LDLRAD4: variants seen among roughly 807,000 people sequenced by gnomAD.
LDLRAD4 encodes low density lipoprotein receptor class A domain containing 4.
LDLRAD4 carries 5 observed loss-of-function variants against 17.0 expected under a neutral mutation model. The observed-to-expected ratio is 0.29, with a 90% CI of 0.15 to 0.62. The LOEUF (loss-of-function observed/expected upper bound fraction) is 0.62. LDLRAD4 is among the 20% of genes least tolerant of loss of function. The pLI, the probability that LDLRAD4 is intolerant of heterozygous loss-of-function variation, is 0.84. For synonymous variants in LDLRAD4, 168 were observed against 171.8 expected, an observed-to-expected ratio of 0.98 and a Z score of 0.17; for missense variants, 340 against 424.7, an observed-to-expected ratio of 0.80 and a Z score of 1.75.
chr18:13,589,484 G>A (rs947605853), intron 3 of LDLRAD4, among the ~76,000 whole-genome samples: 2 of 152,146 alleles, frequency 1.3e-5, no homozygotes, highest in Non-Finnish European at 2.9e-5. Flanking sequence ...CAGGGTTTCC[G>A]CTCCCATCAC....
intron 3 of LDLRAD4, among the ~76,000 whole-genome samples, chr18:13,497,093 A>G (rs945346632): frequency 6.6e-6 from 1 of 152,252 alleles, no homozygotes; most frequent in African/African-American, 2.4e-5. Context: ...TGCCTGACTC[A>G]TAATGAGCAT....
chr18:13,637,704 A>G (rs931476433), intron 4 of LDLRAD4, among the ~76,000 whole-genome samples: 2 of 151,960 alleles, frequency 1.3e-5, no homozygotes, highest in Non-Finnish European at 2.9e-5. Flanking sequence ...CGTCTCTACT[A>G]AAAATACAAA....
chr18:13,572,164 C>T (rs1484508736), intron 3 of LDLRAD4, among the ~76,000 whole-genome samples: 2 of 152,214 alleles, frequency 1.3e-5, no homozygotes, highest in Non-Finnish European at 2.9e-5. Flanking sequence ...ATTTCGTTTA[C>T]AGTTGCAGTT....
chr18:13,251,759 T>C (rs1347042870), intron 1 of LDLRAD4, among the ~76,000 whole-genome samples: 1 of 152,248 alleles, frequency 6.6e-6, no homozygotes, highest in Non-Finnish European at 1.5e-5. Context: ...GAAGAAGTAC[T>C]GTATGGTTCA....
chr18:13,537,332 C>T (rs757632726), intron 3 of LDLRAD4, among the ~76,000 whole-genome samples: 72 of 152,112 alleles, frequency 4.7e-4, no homozygotes, highest in Non-Finnish European at 7.2e-4. Flanking sequence ...ACACCAGGGA[C>T]CGGTTTCATG....
intron 2 of LDLRAD4, among the ~76,000 whole-genome samples, chr18:13,422,394 A>G (rs1053071677): frequency 1.3e-5 from 2 of 152,222 alleles, no homozygotes; most frequent in Admixed American, 1.3e-4. Flanking sequence ...CTGCAAATAT[A>G]TGCTTGTTAA....
At position 13,308,770 on chromosome 18, in the gene LDLRAD4, G is replaced by A. The variant is rs528560446; in HGVS notation, c.-383+30582G>A. On this transcript the variant is annotated intron_variant, in intron 1 of 5. Transcript: ENST00000359446. ...TTAGGGAAGCAGACTTCCCTAATGCGTGATAACGCATGCAGATACTGTTTC... is the reference window on the plus strand; with the variant it reads ...TTAGGGAAGCAGACTTCCCTAATGCATGATAACGCATGCAGATACTGTTTC... 3.2e-4 allele frequency among the ~76,000 whole-genome samples: 49 copies of A among 152,380 alleles called. 1 individual carries two copies. The highest frequency in any genetic ancestry group is 1.0e-3 in the South Asian group (5 of 4,832).
intron 3 of LDLRAD4, among the ~76,000 whole-genome samples, chr18:13,516,324 G>A (rs961536087): frequency 2.6e-5 from 4 of 152,178 alleles, no homozygotes; most frequent in African/African-American, 9.7e-5. Context: ...AGCCATGAAC[G>A]ATCTCTTCCG....
At chr18:13,536,372 G>C (rs993004581) in intron 3 of LDLRAD4, among the ~76,000 whole-genome samples, 1 of 152,064 alleles carries the variant, frequency 6.6e-6, no homozygotes, top group Non-Finnish European at 1.5e-5. Context: ...CCTAAGAATT[G>C]TTTATGCTCT....
intron 3 of LDLRAD4, among the ~76,000 whole-genome samples, chr18:13,564,133 T>C (rs1420054596): frequency 6.6e-6 from 1 of 152,222 alleles, no homozygotes; most frequent in African/African-American, 2.4e-5. Flanking sequence ...CTTGAACTCC[T>C]GGCCTCCCAA....
chr18:13,532,301 C>A (rs531083333), intron 3 of LDLRAD4, among the ~76,000 whole-genome samples: 1 of 152,334 alleles, frequency 6.6e-6, no homozygotes, highest in South Asian at 2.1e-4. Context: ...CTGAGAAATA[C>A]GTGACTATAC....
chr18:13,424,139 GAAAAA>G (rs56687287), intron 2 of LDLRAD4, among the ~76,000 whole-genome samples: 1,398 of 21,688 alleles, frequency 0.064, 10 homozygotes, highest in South Asian at 0.43. Context: ...CCATCTCAAA[GAAAAA>G]AAAGAAAGAA....
intron 2 of LDLRAD4, among the ~76,000 whole-genome samples, chr18:13,426,733 G>A (rs1358193446): frequency 6.6e-6 from 1 of 152,230 alleles, no homozygotes; most frequent in Non-Finnish European, 1.5e-5. Flanking sequence ...GACCTTCCTT[G>A]TTTGGGGCCT....
chr18:13,446,714 T>C (rs2091430720), intron 3 of LDLRAD4, among the ~76,000 whole-genome samples: 1 of 152,216 alleles, frequency 6.6e-6, no homozygotes, highest in Non-Finnish European at 1.5e-5. Context: ...GCAGCGTGGC[T>C]TCAGCATGGG....
intron 3 of LDLRAD4, among the ~76,000 whole-genome samples, chr18:13,479,627 GAAAGAAAAGA>G (rs142887839): frequency 4.6e-5 from 7 of 150,864 alleles, no homozygotes; most frequent in African/African-American, 1.5e-4. Context: ...TCTAAAAAAA[GAAAGAAAAGA>G]AAAGAAAAGA....
rs374731826 is a variant in LDLRAD4, at chr18:13,473,678, T to TACATATATATAA, written c.181+35295_181+35296insCATATATATAAA. ...ATATATATATATATATATATATATA[T>TACATATATATAA]AACGTTTACATTTTATATATATTTA... On this transcript the variant is annotated intron_variant, in intron 3 of 5. Transcript: ENST00000359446. Among the ~76,000 whole-genome samples, 7 of 79,952 alleles carry TACATATATATAA rather than the reference T, an allele frequency of 8.8e-5. 1 individual carries two copies. The highest frequency in any genetic ancestry group is 4.2e-4 in the South Asian group (1 of 2,380). 52.5% of individuals were successfully genotyped at this position (79,952 alleles called of 152,430 possible).
At chr18:13,458,274 A>G (rs566401699) in intron 3 of LDLRAD4, among the ~76,000 whole-genome samples, 1 of 152,340 alleles carries the variant, frequency 6.6e-6, no homozygotes, top group South Asian at 2.1e-4. Context: ...AAATTTAGCA[A>G]CTAAGAAGTA....
chr18:13,604,008 G>C (rs1041924231), intron 3 of LDLRAD4, among the ~76,000 whole-genome samples: 2 of 152,244 alleles, frequency 1.3e-5, no homozygotes, highest in Admixed American at 1.3e-4. Context: ...ATGAATTCTT[G>C]TCTTCACAGC....
chr18:13,344,897 T>A (rs1166339228), intron 1 of LDLRAD4, among the ~76,000 whole-genome samples: 2 of 152,222 alleles, frequency 1.3e-5, no homozygotes, highest in Non-Finnish European at 2.9e-5. Flanking sequence ...GCTGTTGGTG[T>A]ATCAGAATGC....
Sources: allele counts gnomAD v4.1 joint callset (sites outside exome capture counted in the v4.1 genomes callset), GRCh38; gene constraint gnomAD v4.1.1; transcripts MANE v1.5; gene names NCBI Gene and HGNC (gene_info 2026-07-23, HGNC 2026-07-21).